The following RALYL variants were observed in gnomAD, a reference collection of about 807,000 sequenced individuals.
RALYL encodes RALY RNA binding protein like, also known as RNA-binding Raly-like protein.
RALYL carries 29 observed loss-of-function variants against 35.1 expected under a neutral mutation model. That is an observed-to-expected ratio of 0.83 (90% CI 0.61 to 1.13). The LOEUF is 1.13. Ranked by LOEUF, RALYL falls within the 50% of genes most tolerant of loss-of-function variation. The pLI is 0.00. For missense variants in RALYL, 359 were observed against 360.4 expected, an observed-to-expected ratio of 1.00 and a Z score of 0.03; for synonymous variants, 120 against 127.6, an observed-to-expected ratio of 0.94 and a Z score of 0.40.
intron 2 of RALYL, among the ~76,000 whole-genome samples, chr8:84,700,844 A>G (rs1301098918): frequency 6.6e-6 from 1 of 152,222 alleles, no homozygotes; most frequent in Non-Finnish European, 1.5e-5. Context: ...TCAAAGATAC[A>G]GATATATATT....
chr8:84,885,898 G>T (rs1484744058), intron 7 of RALYL, among the ~76,000 whole-genome samples: 1 of 152,098 alleles, frequency 6.6e-6, no homozygotes, highest in Non-Finnish European at 1.5e-5. Context: ...TTTATAATTT[G>T]CAAAACATTT....
chr8:84,225,945 A>G (rs1823768950), intron 1 of RALYL, among the ~76,000 whole-genome samples: 1 of 152,228 alleles, frequency 6.6e-6, no homozygotes, highest in Admixed American at 6.5e-5. Context: ...AATGAGAAGT[A>G]GGTTATTTAG....
chr8:84,397,349 G>T (rs1199482762), intron 1 of RALYL, among the ~76,000 whole-genome samples: 1 of 152,128 alleles, frequency 6.6e-6, no homozygotes, highest in Non-Finnish European at 1.5e-5. Flanking sequence ...ATTAGTTACA[G>T]AAACAATAGG....
chr8:84,338,466 A>G (rs1438437502), intron 1 of RALYL, among the ~76,000 whole-genome samples: 2 of 117,778 alleles, frequency 1.7e-5, no homozygotes, highest in Admixed American at 8.3e-5. Flanking sequence ...TACTGCAATT[A>G]AAAAAAAAAA....
chr8:84,781,091 A>C (rs1006469549), intron 3 of RALYL, among the ~76,000 whole-genome samples: 2 of 152,000 alleles, frequency 1.3e-5, no homozygotes, highest in African/African-American at 4.8e-5. Context: ...TCAAACTCCC[A>C]AGCTTAAGCA....
chr8:84,635,701 A>G (rs1023394866), intron 2 of RALYL, among the ~76,000 whole-genome samples: 3 of 151,812 alleles, frequency 2.0e-5, no homozygotes, highest in African/African-American at 7.2e-5. Context: ...CAGGAGATAT[A>G]ATAAAATGAT....
chr8:84,511,963 T>A (rs1338196712), intron 1 of RALYL, among the ~76,000 whole-genome samples: 2 of 152,180 alleles, frequency 1.3e-5, no homozygotes, highest in Non-Finnish European at 2.9e-5. Flanking sequence ...TTAGGTTGAT[T>A]CCATAACTTT....
intron 1 of RALYL, among the ~76,000 whole-genome samples, chr8:84,297,738 C>A (rs1456273089): frequency 6.6e-6 from 1 of 151,996 alleles, no homozygotes; most frequent in Non-Finnish European, 1.5e-5. Flanking sequence ...TTAATAATGG[C>A]CATTCTGACT....
At chr8:84,429,087 C>T (rs1351751796) in intron 1 of RALYL, among the ~76,000 whole-genome samples, 2 of 152,016 alleles carry the variant, frequency 1.3e-5, no homozygotes, top group Non-Finnish European at 2.9e-5. Context: ...AACCAAAACC[C>T]CTTTTGATAG....
At chr8:84,319,892 T>A (rs1285262209) in intron 1 of RALYL, among the ~76,000 whole-genome samples, 1 of 152,098 alleles carries the variant, frequency 6.6e-6, no homozygotes, top group Non-Finnish European at 1.5e-5. Context: ...TTAAGGTAAT[T>A]TGTAAGACAG....
intron 2 of RALYL, among the ~76,000 whole-genome samples, chr8:84,741,322 G>A (rs1807243316): frequency 6.6e-6 from 1 of 152,026 alleles, no homozygotes. Context: ...TTCCTCAGGA[G>A]TGATATCACA....
intron 1 of RALYL, among the ~76,000 whole-genome samples, chr8:84,370,649 G>A (rs1459585530): frequency 6.6e-6 from 1 of 152,054 alleles, no homozygotes; most frequent in Non-Finnish European, 1.5e-5. Context: ...GAATGGCAAT[G>A]TAAAATCTGC....
At chr8:84,423,598 A>T (rs994123788) in intron 1 of RALYL, among the ~76,000 whole-genome samples, 5 of 151,176 alleles carry the variant, frequency 3.3e-5, no homozygotes, top group Non-Finnish European at 5.9e-5. Context: ...CATTATGATT[A>T]TAGCTGGTGA....
chr8:84,551,640 TAGAA>T (rs2060726818), intron 2 of RALYL, among the ~76,000 whole-genome samples: 1 of 151,980 alleles, frequency 6.6e-6, no homozygotes. Context: ...TGGATAATAA[TAGAA>T]AGAAGTATTT....
chr8:84,196,366 C>T (rs568405745), intron 1 of RALYL, among the ~76,000 whole-genome samples: 3 of 152,194 alleles, frequency 2.0e-5, no homozygotes, highest in South Asian at 2.1e-4. Flanking sequence ...TCAAAAGAAA[C>T]GATGCAAGTC....
chr8:84,672,095 G>T (rs115075373), intron 2 of RALYL, among the ~76,000 whole-genome samples: 1 of 152,096 alleles, frequency 6.6e-6, no homozygotes, highest in Non-Finnish European at 1.5e-5. Context: ...ACTTTTCTGC[G>T]TAGAAATTTC....
intron 5 of RALYL, among the ~76,000 whole-genome samples, chr8:84,854,343 T>TAA (rs1239109563): frequency 7.0e-6 from 1 of 143,756 alleles, no homozygotes; most frequent in African/African-American, 2.5e-5. Flanking sequence ...AAACTCCGTC[T>TAA]AAAAAAAAGA....
chr8:84,273,735 T>C (rs573229650), intron 1 of RALYL, among the ~76,000 whole-genome samples: 37 of 152,340 alleles, frequency 2.4e-4, no homozygotes, highest in Middle Eastern at 3.4e-3. Flanking sequence ...TAAGACTCCA[T>C]TGTTAACAAT....
chr8:84,533,619 T>C (rs2059411005), intron 2 of RALYL, among the ~76,000 whole-genome samples: 2 of 152,214 alleles, frequency 1.3e-5, no homozygotes, highest in Admixed American at 1.3e-4. Flanking sequence ...GCAATCATTT[T>C]TGTTCTGAAA....
Sources: allele counts gnomAD v4.1 joint callset (sites outside exome capture counted in the v4.1 genomes callset), GRCh38; gene constraint gnomAD v4.1.1; transcripts MANE v1.5; gene names NCBI Gene and HGNC (gene_info 2026-07-23, HGNC 2026-07-21).